The following RALY variants were observed in gnomAD, a reference collection of about 807,000 sequenced individuals.
RALY encodes RALY heterogeneous nuclear ribonucleoprotein.
A neutral mutation model predicts 30.7 loss-of-function variants in RALY; 15 were observed. The observed-to-expected ratio is 0.49, with a 90% CI of 0.33 to 0.75. The LOEUF is 0.75. RALY is among the 30% of genes least tolerant of loss of function. The probability of loss-of-function intolerance (pLI) is 0.02; values close to 1 mark genes in which losing one functional copy is unlikely to be tolerated. For missense variants in RALY, 339 were observed against 414.3 expected (o/e 0.82, Z 1.58); for synonymous variants, 177 against 170.8 (o/e 1.04, Z -0.28).
chr20:34,011,351 A>G (rs2031391467), intron 1 of RALY, among the ~76,000 whole-genome samples: 2 of 152,202 alleles, frequency 1.3e-5, no homozygotes, highest in African/African-American at 2.4e-5. Context: ...CTAGAAATCT[A>G]ATTTTTTTAA....
At chr20:34,076,173 G>A (rs2033871958) in intron 6 of RALY, 133 bp downstream of exon 6, 3 of 1,127,914 alleles carry the variant, frequency 2.7e-6, no homozygotes, top group South Asian at 1.6e-5. Flanking sequence ...ACACAGCCAA[G>A]TATTTTCATG....
At chr20:34,078,695 C>A in intron 9 of RALY, 142 bp downstream of exon 9, 1 of 704,242 alleles carries the variant, frequency 1.4e-6, no homozygotes, top group Non-Finnish European at 2.1e-6. Flanking sequence ...AAGTCCCCTC[C>A]ATATCTAGCC....
chr20:34,051,314 A>G (rs1180985559), intron 2 of RALY, among the ~76,000 whole-genome samples: 1 of 152,148 alleles, frequency 6.6e-6, no homozygotes, highest in Admixed American at 6.5e-5. Context: ...AACAGAACCA[A>G]GATTTGGAAA....
chr20:33,998,055 T>C (rs1169215438), intron 1 of RALY, among the ~76,000 whole-genome samples: 2 of 152,266 alleles, frequency 1.3e-5, no homozygotes, highest in Admixed American at 1.3e-4. Flanking sequence ...TTTGAGTTGG[T>C]TACTTGTTGA....
At chr20:34,048,871 A>AAAAAAT (rs1555805742) in intron 2 of RALY, among the ~76,000 whole-genome samples, 4 of 150,278 alleles carry the variant, frequency 2.7e-5, no homozygotes, top group African/African-American at 7.3e-5. Flanking sequence ...AAAAAAAAAA[A>AAAAAAT]TTTTCTCTGC....
At chr20:34,079,022 A>T (rs2033972090) in intron 9 of RALY, among the ~76,000 whole-genome samples, 1 of 152,184 alleles carries the variant, frequency 6.6e-6, no homozygotes, top group African/African-American at 2.4e-5. Context: ...AGTCCTTGGT[A>T]TGTGGTGAGG....
At chr20:34,047,563 C>G (rs1317210024) in intron 2 of RALY, among the ~76,000 whole-genome samples, 1 of 152,180 alleles carries the variant, frequency 6.6e-6, no homozygotes, top group Non-Finnish European at 1.5e-5. Context: ...GACATCAGCT[C>G]CTGGCAGAGT....
At chr20:34,021,330 C>G (rs529241747) in intron 1 of RALY, among the ~76,000 whole-genome samples, 2 of 152,272 alleles carry the variant, frequency 1.3e-5, no homozygotes, top group East Asian at 3.9e-4. Context: ...CATTTACAAA[C>G]AATAGAAGTT....
At chr20:34,028,185 C>A (rs1189931933) in intron 1 of RALY, among the ~76,000 whole-genome samples, 1 of 151,674 alleles carries the variant, frequency 6.6e-6, no homozygotes, top group Admixed American at 6.6e-5. Flanking sequence ...ACTTGAGTGG[C>A]TGAGACAGGA....
At chr20:34,035,471 TG>T (rs1568670004) in intron 2 of RALY, among the ~76,000 whole-genome samples, 1 of 151,962 alleles carries the variant, frequency 6.6e-6, no homozygotes, top group Non-Finnish European at 1.5e-5. Context: ...GTGTAGGCAG[TG>T]ATCAGAAGAG....
chr20:34,060,029 C>T (rs751530913), intron 2 of RALY, among the ~76,000 whole-genome samples: 14 of 152,220 alleles, frequency 9.2e-5, no homozygotes, highest in Non-Finnish European at 1.3e-4. Flanking sequence ...TCATTCAGCA[C>T]TTAATAAGTA....
At chr20:34,061,908 A>G (rs1237641910) in intron 2 of RALY, among the ~76,000 whole-genome samples, 9 of 152,170 alleles carry the variant, frequency 5.9e-5, no homozygotes, top group South Asian at 2.1e-4. Flanking sequence ...CTTTCTCTGT[A>G]TCACTAATGG....
intron 2 of RALY, among the ~76,000 whole-genome samples, chr20:34,055,186 C>T (rs773788878): frequency 6.6e-6 from 1 of 152,138 alleles, no homozygotes; most frequent in African/African-American, 2.4e-5. Context: ...CCTAAAACAA[C>T]CCCAAAAAGA....
intron 2 of RALY, among the ~76,000 whole-genome samples, chr20:34,047,241 A>T (rs2032912945): frequency 6.6e-6 from 1 of 152,234 alleles, no homozygotes; most frequent in Non-Finnish European, 1.5e-5. Context: ...AATACAGAGC[A>T]GTAGTACCTG....
At chr20:34,077,596 C>T (rs910691754) in intron 8 of RALY, 5 of 380,976 alleles carry the variant, frequency 1.3e-5, no homozygotes, top group African/African-American at 1.1e-4. Flanking sequence ...GAGGCCACAG[C>T]CAGGAGGTGG....
intron 5 of RALY, 117 bp from the exon 6 acceptor site, chr20:34,075,757 G>T (rs2033856111): frequency 8.7e-7 from 1 of 1,143,592 alleles, no homozygotes; most frequent in Non-Finnish European, 1.2e-6. Flanking sequence ...GCCAGCAGAG[G>T]TGTGTAGTGC....
intron 2 of RALY, among the ~76,000 whole-genome samples, chr20:34,069,784 G>A (rs2284390): frequency 0.099 from 15,023 of 151,624 alleles, 891 homozygotes; most frequent in African/African-American, 0.17. Flanking sequence ...GTGTAGATGA[G>A]TGGAACCAAA....
At chr20:34,003,634 GTTTT>G (rs775178178) in intron 1 of RALY, among the ~76,000 whole-genome samples, 3 of 112,962 alleles carry the variant, frequency 2.7e-5, no homozygotes, top group African/African-American at 8.2e-5. Context: ...ATGCCAAACA[GTTTT>G]TTTTTTTTTT....
intron 1 of RALY, among the ~76,000 whole-genome samples, chr20:34,012,089 A>G (rs1568653902): frequency 6.6e-6 from 1 of 151,716 alleles, no homozygotes; most frequent in Non-Finnish European, 1.5e-5. Context: ...AAGAAAAAGA[A>G]AAGAAGCAGC....
Sources: gnomAD v4.1 joint callset for allele counts (sites outside exome capture counted in the v4.1 genomes callset) on GRCh38, gnomAD v4.1.1 for gene constraint, MANE v1.5 for transcripts, NCBI Gene and HGNC (gene_info 2026-07-23, HGNC 2026-07-21) for gene names.